SIRPB2: variants seen among roughly 807,000 people sequenced by gnomAD.
SIRPB2 encodes the protein signal-regulatory protein beta-2.
A neutral mutation model predicts 27.1 loss-of-function variants in SIRPB2; 18 were observed. That is an observed-to-expected ratio of 0.66 (90% confidence interval 0.46 to 0.98). SIRPB2 has a LOEUF of 0.98. Ranked by LOEUF, SIRPB2 falls within the 50% of genes least tolerant of loss-of-function variation. The pLI is 0.00. For synonymous variants in SIRPB2, 150 were observed against 164.6 expected (o/e 0.91, Z 0.68); for missense variants, 420 against 417.4 (o/e 1.01, Z -0.06).
intron 1 of SIRPB2, among the ~76,000 whole-genome samples, chr20:1,480,772 A>G (rs1279355799): frequency 6.6e-6 from 1 of 152,140 alleles, no homozygotes; most frequent in Non-Finnish European, 1.5e-5. Flanking sequence ...AGGCCATGCT[A>G]CTTTGTTATG....
rs1026956052 is a variant in SIRPB2 at position 1,476,051 on chromosome 20, TA to T, written c.*115del. 9 of 1,172,904 alleles carry T rather than the reference TA, an allele frequency of 7.7e-6. No individual in the cohort carries two copies. Among genetic ancestry groups the T allele is most frequent in the Non-Finnish European group, 9.8e-6 (8 of 816,222 alleles). 72.7% of individuals were successfully genotyped at this position (1,172,904 alleles called of 1,614,324 possible). ...TGGACCAAAACCAGATGTAGGGATC[TA>T]GGAGTTTGTCATGAGGCCTGGGGGC... On this transcript the variant is annotated 3_prime_UTR_variant, in exon 5 of 5. Coordinates refer to ENST00000359801, the MANE Select transcript of SIRPB2 (RefSeq NM_001122962.2).
In SIRPB2 at chr20:1,480,071, A is replaced by G; in HGVS notation, c.86-6T>C. On this transcript the variant is annotated splice_polypyrimidine_tract_variant and splice_region_variant and intron_variant, in intron 1 of 4. Transcript: ENST00000359801. Reference sequence around the variant, plus strand: ...GCTGCTCTGCCCAGAGGCATCTACAAAAGAGGAAGAAAGACCTTGCACTGG... The same window carrying G: ...GCTGCTCTGCCCAGAGGCATCTACAGAAGAGGAAGAAAGACCTTGCACTGG... 1 of 1,595,238 alleles carries G rather than the reference A, an allele frequency of 6.3e-7. No homozygotes were observed. The highest frequency in any genetic ancestry group is 8.5e-7 in the Non-Finnish European group (1 of 1,171,732).
chr20:1,474,611 T>C lies in SIRPB2; in HGVS notation c.*1556A>G, dbSNP rs946776779. 1.3e-5 allele frequency: 2 copies of C among 153,106 alleles called. No homozygotes were observed. The highest frequency in any genetic ancestry group is 1.3e-4 in the Admixed American group (2 of 15,288). The allele number at this position is 153,106 out of a possible 1,614,324, so 9.5% of individuals were successfully genotyped here. On this transcript the variant is annotated 3_prime_UTR_variant, in exon 5 of 5. Coordinates refer to ENST00000359801, the MANE Select transcript of SIRPB2 (RefSeq NM_001122962.2). ...TTTTTGAGACGGAGTTTTGCTCTTG[T>C]TGCCCAGGCTGGAGTGCAATGGCGC...
intron 1 of SIRPB2, among the ~76,000 whole-genome samples, chr20:1,487,472 C>T (rs561806378): frequency 8.5e-4 from 129 of 152,226 alleles, no homozygotes; most frequent in Admixed American, 2.6e-3. Context: ...ATAGAATAGC[C>T]AAAACCATTT....
In SIRPB2 at chr20:1,479,713, T is replaced by C; in HGVS notation, c.438A>G (p.Ser146=). Residue 146 remains serine (S), a synonymous_variant, in exon 2 of 5, where the codon TCA becomes TCG. Transcript: ENST00000359801. ...CCTGATCCTTACCCTTCACAAGCAC[T>C]GAGGTGCCTTCATCCGATTTCATTT... ...HSEMKSDEGT[S]VLVKGAGDPE... 1 of 1,614,142 alleles carries C rather than the reference T, an allele frequency of 6.2e-7. No homozygotes were observed. The highest frequency in any genetic ancestry group is 8.5e-7 in the Non-Finnish European group (1 of 1,179,960).
At chr20:1,478,675 GGT>G (rs1168632325) in intron 2 of SIRPB2, 68 bp from the exon 3 acceptor site, 1 of 1,304,288 alleles carries the variant, frequency 7.7e-7, no homozygotes, top group African/African-American at 1.5e-5. Context: ...TTTCCTACCT[GGT>G]GTTTTCCCTC....
chr20:1,484,705 C>T (rs546451503), intron 1 of SIRPB2, among the ~76,000 whole-genome samples: 44 of 143,562 alleles, frequency 3.1e-4, no homozygotes, highest in African/African-American at 1.2e-3. Context: ...AAAAAAAAAA[C>T]AAAATAAATA....
chr20:1,486,051 A>G (rs1226802208), intron 1 of SIRPB2, among the ~76,000 whole-genome samples: 1 of 146,066 alleles, frequency 6.8e-6, no homozygotes, highest in Non-Finnish European at 1.5e-5. Context: ...TGAATTTTCC[A>G]TATCTTTTTC....
chr20:1,490,351 C>T (rs1396225467), intron 1 of SIRPB2, among the ~76,000 whole-genome samples: 1 of 152,130 alleles, frequency 6.6e-6, no homozygotes, highest in Non-Finnish European at 1.5e-5. Context: ...ATGTCATGGA[C>T]AGAATCTAGA....
Position 1,476,099 on chromosome 20 carries a change from G to T in SIRPB2, c.*68C>A. 6.4e-7 allele frequency: 1 copy of T among 1,567,766 alleles called. No individual in the cohort carries two copies. Reference sequence around the variant, plus strand: ...GGGCACCTAGAGGCTGGGACTGGAGGTAGGGAAATGGTTGAGGAGCCCTGG... The same window carrying T: ...GGGCACCTAGAGGCTGGGACTGGAGTTAGGGAAATGGTTGAGGAGCCCTGG... On this transcript the variant is annotated 3_prime_UTR_variant, in exon 5 of 5. Coordinates refer to ENST00000359801, the MANE Select transcript of SIRPB2 (RefSeq NM_001122962.2).
At chr20:1,476,848 C>G in intron 4 of SIRPB2, 1 of 1,117,152 alleles carries the variant, frequency 9.0e-7, no homozygotes, top group South Asian at 2.1e-5. Context: ...AGGCACAGTT[C>G]TGGACACCTG....
chr20:1,483,416 G>T (rs945273551), intron 1 of SIRPB2, among the ~76,000 whole-genome samples: 4 of 151,926 alleles, frequency 2.6e-5, no homozygotes, highest in Non-Finnish European at 5.9e-5. Flanking sequence ...CTTTTTTTGG[G>T]TCTTTTTAAC....
chr20:1,477,300 G>C, intron 4 of SIRPB2, 38 bp downstream of exon 4: 11 of 1,614,118 alleles, frequency 6.8e-6, no homozygotes, highest in South Asian at 2.2e-5. Flanking sequence ...CCTTGCCTGT[G>C]GGGGACTCAT....
intron 1 of SIRPB2, among the ~76,000 whole-genome samples, chr20:1,488,436 A>G (rs1215879394): frequency 6.6e-6 from 1 of 152,182 alleles, no homozygotes; most frequent in Non-Finnish European, 1.5e-5. Flanking sequence ...CCTGGGCAAT[A>G]TGGTGAAATT....
Position 1,491,316 on chromosome 20 carries a change from G to A in SIRPB2, c.44C>T (p.Pro15Leu). The change falls in exon 1 of 5, where the codon CCT (proline) becomes CTT (leucine). Residue 15 changes from proline to leucine, a missense_variant. Coordinates refer to ENST00000359801, the MANE Select transcript of SIRPB2 (RefSeq NM_001122962.2). ...CAGTGCCAGCAGCAGGAAGCAGGGA[G>A]GCAAGTGGGCCAGGCAGGTGGGGGC... Reference protein sequence around the residue: ...MSAPTCLAHLPPCFLLLALVL... With the variant: ...MSAPTCLAHLLPCFLLLALVL... The A allele has an allele frequency of 6.2e-7, 1 of 1,611,762 alleles. No homozygotes were observed. The highest frequency in any genetic ancestry group is 8.5e-7 in the Non-Finnish European group (1 of 1,179,236).
chr20:1,477,265 C>A lies in SIRPB2; in HGVS notation c.859+73G>T, dbSNP rs6135048. 259,969 of 1,613,874 alleles carry A rather than the reference C, an allele frequency of 0.16. 30,201 individuals are homozygous for A. The highest frequency in any genetic ancestry group is 0.68 in the East Asian group (30,666 of 44,850). ...CCCAGGAGTCTGGGACTGCTCCCTT[C>A]CCATGACCAAGCCATTCATGGCCCC... On this transcript the variant is annotated intron_variant, in intron 4 of 4. Coordinates refer to ENST00000359801, the MANE Select transcript of SIRPB2 (RefSeq NM_001122962.2).
intron 1 of SIRPB2, among the ~76,000 whole-genome samples, chr20:1,490,587 G>C (rs987545962): frequency 1.1e-4 from 17 of 152,194 alleles, no homozygotes; most frequent in Non-Finnish European, 5.9e-5. Flanking sequence ...TGTTATGCCA[G>C]GCACTTATGG....
rs779431822 is a variant in SIRPB2, at chr20:1,477,037, G to A, written c.859+301C>T. On this transcript the variant is annotated intron_variant, in intron 4 of 4. Transcript: ENST00000359801. ...CTACAAAGCCATGTTCTCCAGTGTC[G>A]CTGTGCATAGCCTCACAGTGTGTCC... is the stretch of plus-strand genomic sequence containing the variant. 135 of 1,334,028 alleles carry A rather than the reference G, an allele frequency of 1.0e-4. 1 individual carries two copies. The highest frequency in any genetic ancestry group is 1.2e-4 in the Non-Finnish European group (120 of 1,032,122). The allele number at this position is 1,334,028 out of a possible 1,614,324, so 82.6% of individuals were successfully genotyped here.
chr20:1,489,671 C>A (rs569782924), intron 1 of SIRPB2, among the ~76,000 whole-genome samples: 8 of 152,270 alleles, frequency 5.3e-5, no homozygotes, highest in African/African-American at 1.9e-4. Flanking sequence ...TTTCCATCTG[C>A]ATCCTCTGCC....
Sources: allele counts gnomAD v4.1 joint callset (sites outside exome capture counted in the v4.1 genomes callset), GRCh38; gene constraint gnomAD v4.1.1; transcripts MANE v1.5; gene names NCBI Gene and HGNC (gene_info 2026-07-23, HGNC 2026-07-21).